LRP1B: variants seen among roughly 807,000 people sequenced by gnomAD.
LRP1B encodes LDL receptor related protein 1B.
A neutral mutation model predicts 556.6 loss-of-function variants in LRP1B; 217 were observed. That is an observed-to-expected ratio of 0.39 (90% confidence interval 0.35 to 0.44). The LOEUF is 0.44. Ranked by LOEUF, LRP1B falls within the 20% of genes least tolerant of loss-of-function variation. The pLI is 1.00. For synonymous variants in LRP1B, 2,047 were observed against 1,865.8 expected (o/e 1.10, Z -2.50); for missense variants, 5,053 against 5,620.8 (o/e 0.90, Z 3.23).
intron 2 of LRP1B, among the ~76,000 whole-genome samples, chr2:141,530,660 T>G (rs1384408756): frequency 6.6e-6 from 1 of 151,216 alleles, no homozygotes; most frequent in Non-Finnish European, 1.5e-5. Flanking sequence ...ATTAAGAGGG[T>G]AGGGAAGGGA....
At chr2:141,375,584 A>G (rs940312251) in intron 3 of LRP1B, among the ~76,000 whole-genome samples, 5 of 152,032 alleles carry the variant, frequency 3.3e-5, no homozygotes, top group Admixed American at 6.6e-5. Flanking sequence ...GTATTGTCCT[A>G]AGTGTGCTGA....
chr2:141,984,088 C>T (rs1183492302), intron 1 of LRP1B, among the ~76,000 whole-genome samples: 2 of 152,008 alleles, frequency 1.3e-5, no homozygotes, highest in Non-Finnish European at 2.9e-5. Context: ...ATAAAAAGCC[C>T]ATTTAGTCCA....
intron 31 of LRP1B, among the ~76,000 whole-genome samples, chr2:140,818,391 A>G (rs1691201756): frequency 6.6e-6 from 1 of 152,230 alleles, no homozygotes; most frequent in Non-Finnish European, 1.5e-5. Flanking sequence ...ATAGAGAAAT[A>G]CCAATAAGTT....
chr2:141,428,254 T>TTAAGAAGA (rs1680442035), intron 3 of LRP1B, among the ~76,000 whole-genome samples: 1 of 152,182 alleles, frequency 6.6e-6, no homozygotes, highest in Non-Finnish European at 1.5e-5. Context: ...GAGTGATTCC[T>TTAAGAAGA]GCAGTATGAC....
At chr2:141,964,983 A>C (rs1701514431) in intron 1 of LRP1B, among the ~76,000 whole-genome samples, 1 of 147,934 alleles carries the variant, frequency 6.8e-6, no homozygotes. Context: ...CAGCCAAAAA[A>C]CACATGAAAA....
chr2:140,358,362 T>A (rs1027202964), intron 73 of LRP1B, among the ~76,000 whole-genome samples: 5 of 151,656 alleles, frequency 3.3e-5, no homozygotes, highest in African/African-American at 1.2e-4. Flanking sequence ...TTACCCTAAG[T>A]GTAATTTTTT....
chr2:141,093,240 A>G (rs1196095158), intron 7 of LRP1B, among the ~76,000 whole-genome samples: 1 of 152,158 alleles, frequency 6.6e-6, no homozygotes, highest in African/African-American at 2.4e-5. Context: ...GAGTGCACTC[A>G]AGGTAACAGG....
Position 140,364,785 on chromosome 2 carries a change from T to G in LRP1B, c.11009-2A>C, listed in dbSNP as rs2105152017. On this transcript the variant is annotated splice_acceptor_variant, in intron 71 of 90. Transcript: ENST00000389484. LOFTEE classifies it high-confidence loss of function. ...CATCAGCTCTACATATATTTCCTCC[T>G]TTATTTTAAAACAAAAAGAAACAAA... 2 of 1,608,094 alleles carry G rather than the reference T, an allele frequency of 1.2e-6. No homozygotes were observed. Among genetic ancestry groups the G allele is most frequent in the African/African-American group, 2.7e-5 (2 of 74,428 alleles).
At position 141,234,016 on chromosome 2, in the gene LRP1B, T is replaced by C. The variant is rs201249247; in HGVS notation, c.593-4576A>G. 9.2e-5 allele frequency among the ~76,000 whole-genome samples: 14 copies of C among 152,168 alleles called. No homozygotes were observed. The East Asian group carries it at 2.3e-3, about 25-fold the overall frequency. On this transcript the variant is annotated intron_variant, in intron 5 of 90. Coordinates refer to ENST00000389484, the MANE Select transcript of LRP1B (RefSeq NM_018557.3). ...TTTCTGAAGTCATAGATGAAAAAAA[T>C]CCCAGTTTTAACTGCATAAAACGTT...
At chr2:141,359,379 G>A (rs1027810968) in intron 3 of LRP1B, among the ~76,000 whole-genome samples, 8 of 151,456 alleles carry the variant, frequency 5.3e-5, no homozygotes, top group African/African-American at 1.9e-4. Flanking sequence ...AGTACATACA[G>A]GAGAAGAGAG....
chr2:141,037,948 A>G lies in LRP1B; in HGVS notation c.1789+11038T>C, dbSNP rs868126194. Among the ~76,000 whole-genome samples, 9 of 151,900 alleles carry G rather than the reference A, an allele frequency of 5.9e-5. No individual in the cohort carries two copies. In the Middle Eastern group the frequency reaches 0.02, roughly 344 times the overall value. ...CATACCCCTCAAGAGAGTCTATTTT[A>G]AAAGATCTACCAGGCTCACAAAGAG... On this transcript the variant is annotated intron_variant, in intron 11 of 90. Transcript: ENST00000389484.
intron 20 of LRP1B, among the ~76,000 whole-genome samples, chr2:140,934,456 G>T (rs1695144593): frequency 6.6e-6 from 1 of 152,094 alleles, no homozygotes; most frequent in African/African-American, 2.4e-5. Context: ...TCTTTCTAAT[G>T]CAAACTATCT....
At chr2:141,591,086 G>A (rs1037249178) in intron 2 of LRP1B, among the ~76,000 whole-genome samples, 1 of 152,102 alleles carries the variant, frequency 6.6e-6, no homozygotes, top group South Asian at 2.1e-4. Context: ...ATAATTTAGC[G>A]GTGATACTCT....
Position 141,620,107 on chromosome 2 carries a change from C to A in LRP1B, c.206-139574G>T, listed in dbSNP as rs138798974. On this transcript the variant is annotated intron_variant, in intron 2 of 90. Coordinates refer to ENST00000389484, the MANE Select transcript of LRP1B (RefSeq NM_018557.3). ...AGCTGGAATTACAGGCAGATGCCAC[C>A]ATGCCCAGCTATTTAAAAAAGAAAA... is the stretch of plus-strand genomic sequence containing the variant. 8.4e-4 allele frequency among the ~76,000 whole-genome samples: 128 copies of A among 152,312 alleles called. 1 individual carries two copies. Among genetic ancestry groups the A allele is most frequent in the Admixed American group, 2.7e-3 (42 of 15,292 alleles).
At chr2:140,767,494 T>A (rs1218051794) in intron 35 of LRP1B, among the ~76,000 whole-genome samples, 2 of 151,996 alleles carry the variant, frequency 1.3e-5, no homozygotes, top group Non-Finnish European at 2.9e-5. Flanking sequence ...TGGTACATGA[T>A]ATTAAACTTA....
intron 6 of LRP1B, among the ~76,000 whole-genome samples, chr2:141,191,525 T>A (rs1681505532): frequency 6.6e-6 from 1 of 152,066 alleles, no homozygotes; most frequent in Middle Eastern, 3.4e-3. Context: ...AGAAACTTTG[T>A]GGGAATGTCT....
chr2:140,493,559 A>T (rs1268996536), intron 56 of LRP1B, among the ~76,000 whole-genome samples: 1 of 145,128 alleles, frequency 6.9e-6, no homozygotes, highest in Non-Finnish European at 1.5e-5. Flanking sequence ...TTGGTGAATA[A>T]TTTGCCCAAG....
At chr2:141,040,553 G>T (rs1433088806) in intron 11 of LRP1B, among the ~76,000 whole-genome samples, 3 of 152,002 alleles carry the variant, frequency 2.0e-5, no homozygotes, top group Non-Finnish European at 4.4e-5. Flanking sequence ...CTGTCCTAGG[G>T]TTATTTAGAA....
At chr2:140,847,282 A>T (rs1692301066) in intron 29 of LRP1B, among the ~76,000 whole-genome samples, 1 of 152,106 alleles carries the variant, frequency 6.6e-6, no homozygotes, top group Admixed American at 6.5e-5. Context: ...ATGTTGTCAT[A>T]CCCTCCCTGA....
Sources: gnomAD v4.1 joint callset for allele counts (sites outside exome capture counted in the v4.1 genomes callset) on GRCh38, gnomAD v4.1.1 for gene constraint, MANE v1.5 for transcripts, NCBI Gene and HGNC (gene_info 2026-07-23, HGNC 2026-07-21) for gene names.